Variants in ESR1 observed in about 807,000 individuals in gnomAD.
ESR1 encodes the protein estrogen receptor 1.
A neutral mutation model predicts 52.7 loss-of-function variants in ESR1; 12 were observed. The ratio of observed to expected loss-of-function variants is 0.23; its 90% confidence interval spans 0.15 to 0.37. ESR1 has a LOEUF of 0.37. Among genes scored for constraint, ESR1 ranks in the 10% least tolerant of loss-of-function variants. ESR1 has a pLI of 1.00. For synonymous variants in ESR1, 305 were observed against 316.8 expected, an observed-to-expected ratio of 0.96 and a Z score of 0.39; for missense variants, 584 against 779.7, an observed-to-expected ratio of 0.75 and a Z score of 2.99.
At chr6:152,127,852 A>G (rs558094896) in exon 7 of ESR1, 2 of 152,354 alleles carry the variant, frequency 1.3e-5, no homozygotes, top group African/African-American at 4.8e-5. Context: ...GCCCTTGCTT[A>G]AATGTATCTG....
At chr6:151,989,033 T>C (rs556841264) in intron 4 of ESR1, among the ~76,000 whole-genome samples, 16 of 152,246 alleles carry the variant, frequency 1.1e-4, no homozygotes, top group Non-Finnish European at 1.9e-4. Context: ...TAGCTGGATC[T>C]TCCGCTCCAC....
chr6:151,968,423 G>A (rs976153581), intron 4 of ESR1, among the ~76,000 whole-genome samples: 1 of 152,144 alleles, frequency 6.6e-6, no homozygotes, highest in Non-Finnish European at 1.5e-5. Context: ...TTGACAAATG[G>A]GATCTAATTA....
chr6:151,793,458 A>G (rs1776394202), intron 2 of ESR1, among the ~76,000 whole-genome samples: 1 of 152,118 alleles, frequency 6.6e-6, no homozygotes, highest in Non-Finnish European at 1.5e-5. Context: ...AATGATAAAA[A>G]CTGTAGTAAA....
At chr6:151,900,255 G>C (rs1291379295) in intron 3 of ESR1, among the ~76,000 whole-genome samples, 2 of 152,140 alleles carry the variant, frequency 1.3e-5, no homozygotes, top group Non-Finnish European at 2.9e-5. Flanking sequence ...AGAACATTTT[G>C]CATTTCTCTA....
intron 2 of ESR1, among the ~76,000 whole-genome samples, chr6:151,767,686 G>A (rs927397065): frequency 3.3e-5 from 5 of 152,154 alleles, no homozygotes; most frequent in African/African-American, 9.7e-5. Context: ...TATTCACAAA[G>A]GGAGATGTCA....
At position 152,038,342 on chromosome 6, in the gene ESR1, G is replaced by A. The variant is rs562086992; in HGVS notation, c.1236-22649G>A. On this transcript the variant is annotated intron_variant, in intron 5 of 7. Coordinates refer to ENST00000206249, the MANE Select transcript of ESR1 (RefSeq NM_000125.4). ...CATCTTCCAGTTCACTGACACAAAT[G>A]TTAATCTTCTTTGGTAATACCCTCA... Among the ~76,000 whole-genome samples, 139 of 152,260 alleles carry A rather than the reference G, an allele frequency of 9.1e-4. 1 individual carries two copies. Among genetic ancestry groups the A allele is most frequent in the African/African-American group, 3.2e-3 (131 of 41,560 alleles).
intron 2 of ESR1, among the ~76,000 whole-genome samples, chr6:151,865,062 A>G (rs1305944776): frequency 6.6e-6 from 1 of 152,054 alleles, no homozygotes; most frequent in African/African-American, 2.4e-5. Flanking sequence ...CATTGTGCAC[A>G]TGTACCCTAG....
At chr6:151,806,584 G>A (rs1357259753), upstream of ESR1, among the ~76,000 whole-genome samples, 3 of 133,836 alleles carry the variant, frequency 2.2e-5, no homozygotes, top group South Asian at 4.7e-4. Context: ...GTGTATGTGC[G>A]TGTGCATGTT....
intron 6 of ESR1, among the ~76,000 whole-genome samples, chr6:152,114,751 C>T (rs1189196483): frequency 6.6e-6 from 1 of 151,146 alleles, no homozygotes; most frequent in African/African-American, 2.4e-5. Context: ...ATTAGCCGGG[C>T]GTAGTGGCGG....
exon 7 of ESR1, chr6:152,127,773 A>G (rs1365814457): frequency 6.6e-6 from 1 of 152,248 alleles, no homozygotes; most frequent in Non-Finnish European, 1.5e-5. Context: ...AAGACTTCAA[A>G]ACAAATTCTA....
chr6:151,709,572 C>G (rs1051362351), intron 2 of ESR1, among the ~76,000 whole-genome samples: 3 of 152,038 alleles, frequency 2.0e-5, no homozygotes. Context: ...AACATACCTT[C>G]CCACTAACAG....
chr6:151,882,977 T>C (rs556905262), intron 3 of ESR1, among the ~76,000 whole-genome samples: 6 of 152,280 alleles, frequency 3.9e-5, no homozygotes, highest in East Asian at 3.9e-4. Flanking sequence ...CTGTAAAATA[T>C]ATATCTGTAT....
At chr6:152,047,239 G>A (rs545203601) in intron 5 of ESR1, among the ~76,000 whole-genome samples, 54 of 151,602 alleles carry the variant, frequency 3.6e-4, no homozygotes, top group Admixed American at 2.4e-3. Context: ...TAAGCTCATG[G>A]AAAGTAAGGG....
At chr6:152,001,629 T>A (rs1004896007) in intron 4 of ESR1, among the ~76,000 whole-genome samples, 14 of 152,038 alleles carry the variant, frequency 9.2e-5, no homozygotes, top group African/African-American at 2.7e-4. Context: ...ACTGTGCTTG[T>A]AAAAGAATCC....
chr6:151,736,578 C>T (rs1782693715), intron 2 of ESR1, among the ~76,000 whole-genome samples: 1 of 151,916 alleles, frequency 6.6e-6, no homozygotes, highest in South Asian at 2.1e-4. Flanking sequence ...AGGGTTTCCC[C>T]ATGTTGCCCA....
intron 3 of ESR1, among the ~76,000 whole-genome samples, chr6:151,915,264 T>C (rs1275395068): frequency 6.6e-6 from 1 of 152,128 alleles, no homozygotes; most frequent in Non-Finnish European, 1.5e-5. Context: ...CTTTCTGCTG[T>C]TGGGAAAGCC....
At chr6:151,957,045 T>A (rs980539945) in intron 4 of ESR1, among the ~76,000 whole-genome samples, 5 of 149,736 alleles carry the variant, frequency 3.3e-5, no homozygotes, top group Non-Finnish European at 7.4e-5. Flanking sequence ...CCCGGCTAAT[T>A]TTTTGTATTT....
chr6:152,048,301 T>C (rs561890731), intron 5 of ESR1, among the ~76,000 whole-genome samples: 1 of 149,692 alleles, frequency 6.7e-6, no homozygotes, highest in African/African-American at 2.5e-5. Context: ...GAGGAGGATA[T>C]TGCAGTGAGC....
rs546226625 is a variant in ESR1 at position 151,761,329 on chromosome 6, T to G, written c.-70-46514T>G. ...ATTCTCATGGAATACTTTAAAATAG[T>G]AGAAACAATCATGAATAGAAATGAA... On this transcript the variant is annotated intron_variant, in intron 2 of 2. Transcript: ENST00000404742. 3.2e-4 allele frequency among the ~76,000 whole-genome samples: 48 copies of G among 152,274 alleles called. No homozygotes were observed. In the South Asian group the frequency reaches 1.0e-2, roughly 32 times the overall value.
Sources: gnomAD v4.1 joint callset for allele counts (sites outside exome capture counted in the v4.1 genomes callset) on GRCh38, gnomAD v4.1.1 for gene constraint, MANE v1.5 for transcripts, NCBI Gene and HGNC (gene_info 2026-07-23, HGNC 2026-07-21) for gene names.